Variants in PIP5K1B observed in about 807,000 individuals in gnomAD.
The protein encoded by PIP5K1B is phosphatidylinositol 4-phosphate 5-kinase type-1 beta.
A neutral mutation model predicts 67.0 loss-of-function variants in PIP5K1B; 42 were observed. The ratio of observed to expected loss-of-function variants is 0.63; its 90% CI spans 0.49 to 0.81. PIP5K1B has a LOEUF of 0.81. Among genes scored for constraint, PIP5K1B ranks in the 30% least tolerant of loss-of-function variants. The pLI, the probability that PIP5K1B is intolerant of heterozygous loss-of-function variation, is 0.00. For synonymous variants in PIP5K1B, 214 were observed against 231.4 expected (o/e 0.92, Z 0.68); for missense variants, 459 against 646.3 (o/e 0.71, Z 3.14).
intron 2 of PIP5K1B, among the ~76,000 whole-genome samples, chr9:68,765,390 C>G (rs1211785983): frequency 6.6e-6 from 1 of 151,974 alleles, no homozygotes; most frequent in Admixed American, 6.6e-5. Context: ...GTACTGAATT[C>G]TGTGTTCTAG....
intron 4 of PIP5K1B, among the ~76,000 whole-genome samples, chr9:68,856,340 A>G (rs973402932): frequency 5.9e-5 from 9 of 152,140 alleles, no homozygotes; most frequent in South Asian, 2.1e-4. Context: ...CAAAATGTCA[A>G]TTCCTTAAGG....
At chr9:68,721,046 A>G (rs1827856521) in intron 1 of PIP5K1B, among the ~76,000 whole-genome samples, 1 of 152,198 alleles carries the variant, frequency 6.6e-6, no homozygotes, top group African/African-American at 2.4e-5. Flanking sequence ...TTGGAGCTGT[A>G]TAATGTGATA....
chr9:68,830,128 C>T lies in PIP5K1B; in HGVS notation c.69+7445C>T, dbSNP rs541926992. Reference sequence around the variant, plus strand: ...CCTAGGCAACAGAGCAAGACCCCATCTCAAAAAAAAAAATAGTAAACTGCT... The same window carrying T: ...CCTAGGCAACAGAGCAAGACCCCATTTCAAAAAAAAAAATAGTAAACTGCT... On this transcript the variant is annotated intron_variant, in intron 4 of 15. Transcript: ENST00000265382. Among the ~76,000 whole-genome samples the T allele has an allele frequency of 2.3e-4, 34 of 150,986 alleles. No homozygotes were observed. The South Asian group carries it at 6.9e-3, about 31-fold the overall frequency.
At chr9:68,811,991 TG>T (rs1251648554) in intron 2 of PIP5K1B, among the ~76,000 whole-genome samples, 2 of 152,216 alleles carry the variant, frequency 1.3e-5, no homozygotes, top group African/African-American at 4.8e-5. Flanking sequence ...AAAGCTTCCC[TG>T]GTGGTTGTAA....
At chr9:68,764,004 TA>T (rs1473916680) in intron 2 of PIP5K1B, among the ~76,000 whole-genome samples, 11 of 151,794 alleles carry the variant, frequency 7.2e-5, no homozygotes, top group East Asian at 5.8e-4. Flanking sequence ...AAATGCTGGT[TA>T]CACTCTGATC....
intron 1 of PIP5K1B, among the ~76,000 whole-genome samples, chr9:68,725,518 A>G (rs1303320566): frequency 6.6e-6 from 1 of 152,204 alleles, no homozygotes; most frequent in African/African-American, 2.4e-5. Context: ...GGTAGCCACC[A>G]TTATAGCCCA....
chr9:68,759,068 C>T (rs1281229096), intron 2 of PIP5K1B, among the ~76,000 whole-genome samples: 2 of 152,006 alleles, frequency 1.3e-5, no homozygotes, highest in Non-Finnish European at 2.9e-5. Context: ...AGTAGTAGAC[C>T]TTGTATAAGA....
chr9:68,775,583 G>T (rs181048257), intron 2 of PIP5K1B, among the ~76,000 whole-genome samples: 1 of 152,320 alleles, frequency 6.6e-6, no homozygotes, highest in Non-Finnish European at 1.5e-5. Flanking sequence ...CAGATGGAGT[G>T]CGACGGCACC....
intron 4 of PIP5K1B, among the ~76,000 whole-genome samples, chr9:68,830,811 G>A (rs529184177): frequency 1.3e-5 from 2 of 152,250 alleles, no homozygotes; most frequent in Non-Finnish European, 2.9e-5. Flanking sequence ...AGGGCACAAC[G>A]ATGCTTTTGT....
chr9:68,970,012 T>C (rs1221441838), intron 14 of PIP5K1B, among the ~76,000 whole-genome samples: 1 of 152,142 alleles, frequency 6.6e-6, no homozygotes, highest in Non-Finnish European at 1.5e-5. Context: ...AAAATAGCCC[T>C]TACTTACCCC....
chr9:68,798,979 GA>G (rs1223177780), intron 2 of PIP5K1B, among the ~76,000 whole-genome samples: 1 of 152,208 alleles, frequency 6.6e-6, no homozygotes, highest in Non-Finnish European at 1.5e-5. Flanking sequence ...TTTTGTAAAT[GA>G]AGTTTACTGA....
intron 4 of PIP5K1B, among the ~76,000 whole-genome samples, chr9:68,850,181 A>G (rs2132198329): frequency 6.6e-6 from 1 of 152,340 alleles, no homozygotes; most frequent in Admixed American, 6.5e-5. Context: ...ATCTCTGTCC[A>G]TCACATCTGT....
intron 4 of PIP5K1B, among the ~76,000 whole-genome samples, chr9:68,844,534 A>G (rs1189739921): frequency 2.0e-5 from 3 of 152,086 alleles, no homozygotes; most frequent in African/African-American, 7.2e-5. Context: ...GAACAGGCCC[A>G]TCACCTGACA....
intron 14 of PIP5K1B, among the ~76,000 whole-genome samples, chr9:68,956,802 G>A (rs1055512275): frequency 4.6e-5 from 7 of 152,154 alleles, no homozygotes; most frequent in Non-Finnish European, 7.3e-5. Flanking sequence ...CCATTGATGA[G>A]CCACAAAGAG....
intron 6 of PIP5K1B, among the ~76,000 whole-genome samples, chr9:68,887,951 G>A (rs1418489769): frequency 6.6e-6 from 1 of 151,402 alleles, no homozygotes; most frequent in Admixed American, 6.6e-5. Flanking sequence ...ACCTGGCCGA[G>A]GGGAAGGAGT....
chr9:68,859,093 C>G (rs1417807132), intron 4 of PIP5K1B, among the ~76,000 whole-genome samples: 1 of 152,218 alleles, frequency 6.6e-6, no homozygotes, highest in East Asian at 1.9e-4. Flanking sequence ...TATGCACACA[C>G]TAGCTAAGGG....
At chr9:68,846,071 T>C (rs895281712) in intron 4 of PIP5K1B, among the ~76,000 whole-genome samples, 3 of 152,238 alleles carry the variant, frequency 2.0e-5, no homozygotes, top group Admixed American at 6.5e-5. Flanking sequence ...GCAAATAACT[T>C]AATCTTACAC....
Position 68,963,277 on chromosome 9 carries a change from C to A in PIP5K1B, c.1502+22487C>A, listed in dbSNP as rs529527393. The A allele has an allele frequency of 4.0e-3, 1,814 of 453,780 alleles. 31 individuals carry two copies. Among genetic ancestry groups the A allele is most frequent in the African/African-American group, 0.033 (1,647 of 50,118 alleles). 28.1% of individuals were successfully genotyped at this position (453,780 alleles called of 1,614,324 possible). ...CAGCACTTTGCGAGGCCGAGGCAGA[C>A]TGATCTCTTGAGTCCGGAAGTTCAA... On this transcript the variant is annotated intron_variant, in intron 14 of 15. Coordinates refer to ENST00000265382, the MANE Select transcript of PIP5K1B (RefSeq NM_003558.4).
chr9:68,712,989 T>C (rs1405356440), intron 1 of PIP5K1B, among the ~76,000 whole-genome samples: 2 of 152,196 alleles, frequency 1.3e-5, no homozygotes, highest in Non-Finnish European at 2.9e-5. Flanking sequence ...TGAGCTGGTA[T>C]TTATTTGAAC....
Sources: allele counts gnomAD v4.1 joint callset (sites outside exome capture counted in the v4.1 genomes callset), GRCh38; gene constraint gnomAD v4.1.1; transcripts MANE v1.5; gene names NCBI Gene and HGNC (gene_info 2026-07-23, HGNC 2026-07-21).